Variants in GALNT10 observed in about 807,000 individuals in gnomAD.
GALNT10 encodes GalNAc transferase 10.
GALNT10 carries 41 observed loss-of-function variants against 75.0 expected under a neutral mutation model. The observed-to-expected ratio is 0.55, with a 90% CI of 0.43 to 0.71. The LOEUF is 0.71. GALNT10 is among the 30% of genes least tolerant of loss of function. The probability of loss-of-function intolerance (pLI) is 0.00; values close to 1 mark genes in which losing one functional copy is unlikely to be tolerated. For synonymous variants in GALNT10, 302 were observed against 313.0 expected (o/e 0.96, Z 0.37); for missense variants, 727 against 818.5 (o/e 0.89, Z 1.36).
At position 154,293,808 on chromosome 5, in the gene GALNT10, A is replaced by T. The variant is rs527621402; in HGVS notation, c.160-1008A>T. On this transcript the variant is annotated intron_variant, in intron 1 of 11. Coordinates refer to ENST00000297107, the MANE Select transcript of GALNT10 (RefSeq NM_198321.4). Reference sequence around the variant, plus strand: ...GTTCTTTACCCAAACATCACAAGTCAGTGCCCAGGATGTTTGTCTTGCCTG... The same window carrying T: ...GTTCTTTACCCAAACATCACAAGTCTGTGCCCAGGATGTTTGTCTTGCCTG... Among the ~76,000 whole-genome samples the T allele has an allele frequency of 5.3e-5, 8 of 151,910 alleles. No homozygotes were observed. In the East Asian group the frequency reaches 1.6e-3, roughly 29 times the overall value.
intron 1 of GALNT10, among the ~76,000 whole-genome samples, chr5:154,254,457 G>A (rs1463982629): frequency 6.6e-6 from 1 of 151,206 alleles, no homozygotes; most frequent in African/African-American, 2.4e-5. Context: ...GTTTTTTGCA[G>A]CCCTTTTGGT....
intron 1 of GALNT10, among the ~76,000 whole-genome samples, chr5:154,272,495 T>A (rs1416880616): frequency 6.6e-6 from 1 of 152,202 alleles, no homozygotes; most frequent in Non-Finnish European, 1.5e-5. Flanking sequence ...GGGTTACCTG[T>A]GGGTGTTTTG....
intron 3 of GALNT10, among the ~76,000 whole-genome samples, chr5:154,303,956 G>A (rs1374275541): frequency 2.0e-5 from 3 of 152,126 alleles, no homozygotes; most frequent in Admixed American, 2.0e-4. Context: ...AAAAAGTTAG[G>A]TAGAGATACG....
intron 8 of GALNT10, among the ~76,000 whole-genome samples, chr5:154,406,713 C>T (rs1017157391): frequency 3.3e-5 from 5 of 152,146 alleles, no homozygotes; most frequent in Admixed American, 3.3e-4. Flanking sequence ...AGGAGAATGG[C>T]TTGAACCCGG....
chr5:154,218,063 C>A, intron 1 of GALNT10: 1 of 984,986 alleles, frequency 1.0e-6, no homozygotes, highest in Non-Finnish European at 1.2e-6. Context: ...CACTGCTGTT[C>A]GACTGAGACC....
chr5:154,329,477 A>C (rs1754808601), intron 3 of GALNT10, 95 bp from the exon 4 acceptor site: 1 of 911,496 alleles, frequency 1.1e-6, no homozygotes, highest in Admixed American at 1.9e-5. Flanking sequence ...CTGGAGAGGA[A>C]GTGGGGTTTG....
intron 4 of GALNT10, among the ~76,000 whole-genome samples, chr5:154,373,938 A>C (rs147710824): frequency 0.013 from 1,987 of 152,246 alleles, 47 homozygotes; most frequent in African/African-American, 0.045. Flanking sequence ...GGTGATATTT[A>C]TCCCTCTGAT....
intron 3 of GALNT10, among the ~76,000 whole-genome samples, chr5:154,324,202 T>C (rs1561661178): frequency 6.6e-6 from 1 of 152,110 alleles, no homozygotes; most frequent in Non-Finnish European, 1.5e-5. Context: ...CAGTGCTGAG[T>C]GATAAGGCAG....
intron 1 of GALNT10, among the ~76,000 whole-genome samples, chr5:154,267,130 GA>G (rs1247327804): frequency 6.6e-6 from 1 of 152,154 alleles, no homozygotes; most frequent in Non-Finnish European, 1.5e-5. Flanking sequence ...GAGAAGACAG[GA>G]AGAGAAACAC....
intron 6 of GALNT10, among the ~76,000 whole-genome samples, chr5:154,381,576 T>G (rs1329100006): frequency 2.0e-5 from 3 of 152,316 alleles, no homozygotes; most frequent in South Asian, 4.1e-4. Context: ...CAACACAAAT[T>G]TATGCTTAAA....
chr5:154,388,891 A>G (rs1345998206), intron 7 of GALNT10: 1 of 150,218 alleles, frequency 6.7e-6, no homozygotes, highest in Non-Finnish European at 1.5e-5. Flanking sequence ...TCATTAAAAA[A>G]AAAAAAAAAA....
intron 4 of GALNT10, among the ~76,000 whole-genome samples, chr5:154,365,561 A>G (rs1008571818): frequency 7.2e-5 from 11 of 152,154 alleles, no homozygotes; most frequent in Non-Finnish European, 1.3e-4. Context: ...CCCTGAAAGA[A>G]CCCACGTGCA....
chr5:154,327,385 G>T (rs1754770436), intron 3 of GALNT10, among the ~76,000 whole-genome samples: 1 of 152,158 alleles, frequency 6.6e-6, no homozygotes, highest in Non-Finnish European at 1.5e-5. Flanking sequence ...CTGATTCCAG[G>T]TTAGGGCAGG....
At position 154,418,345 on chromosome 5, in the gene GALNT10, G is replaced by C. The variant is rs1472203149; in HGVS notation, c.*1373G>C. 1 of 152,284 alleles carries C rather than the reference G, an allele frequency of 6.6e-6. No homozygotes were observed. Among genetic ancestry groups the C allele is most frequent in the African/African-American group, 2.4e-5 (1 of 41,436 alleles). 9.4% of individuals were successfully genotyped at this position (152,284 alleles called of 1,614,324 possible). A position where few individuals can be genotyped will look rare whatever the true frequency, so the allele number is the denominator to read the frequency against. ...CGTCCCACAGCCAGATATACACCCA[G>C]CTCCATGCCAGCCCTTCATGTTTAC... On this transcript the variant is annotated 3_prime_UTR_variant, in exon 12 of 12. Transcript: ENST00000297107.
At chr5:154,211,088 A>G (rs1238929978) in intron 1 of GALNT10, among the ~76,000 whole-genome samples, 1 of 152,244 alleles carries the variant, frequency 6.6e-6, no homozygotes, top group East Asian at 1.9e-4. Flanking sequence ...TTTTACAATA[A>G]AAAGTTTTTT....
intron 1 of GALNT10, among the ~76,000 whole-genome samples, chr5:154,289,747 G>A (rs1160042350): frequency 6.6e-6 from 1 of 152,162 alleles, no homozygotes; most frequent in Non-Finnish European, 1.5e-5. Flanking sequence ...TACTTAGTAG[G>A]TTCAGGGTGT....
chr5:154,312,299 T>C (rs1015234076), intron 3 of GALNT10, among the ~76,000 whole-genome samples: 1 of 152,222 alleles, frequency 6.6e-6, no homozygotes, highest in Non-Finnish European at 1.5e-5. Flanking sequence ...TCTTTCTTGA[T>C]TGGAAGCCTC....
intron 1 of GALNT10, among the ~76,000 whole-genome samples, chr5:154,268,329 T>C (rs944758986): frequency 2.0e-5 from 3 of 152,154 alleles, no homozygotes; most frequent in Non-Finnish European, 2.9e-5. Flanking sequence ...AGCTTCAGAC[T>C]CCTACGAGTC....
At chr5:154,338,236 G>A (rs1198133115) in intron 4 of GALNT10, 12 of 727,126 alleles carry the variant, frequency 1.7e-5, no homozygotes, top group Non-Finnish European at 2.3e-5. Flanking sequence ...TCTTCTCCAC[G>A]GTGGCATAGG....
Sources: allele counts gnomAD v4.1 joint callset (sites outside exome capture counted in the v4.1 genomes callset), GRCh38; gene constraint gnomAD v4.1.1; transcripts MANE v1.5; gene names NCBI Gene and HGNC (gene_info 2026-07-23, HGNC 2026-07-21).